The following GRM1 variants were observed in gnomAD, a reference collection of about 807,000 sequenced individuals.
GRM1 encodes glutamate metabotropic receptor 1, also known as metabotropic glutamate receptor 1.
In GRM1, 33 loss-of-function variants were observed where a neutral mutation model predicts 90.9. The ratio of observed to expected loss-of-function variants is 0.36; its 90% CI spans 0.28 to 0.49. The LOEUF is 0.49. Among genes scored for constraint, GRM1 ranks in the 20% least tolerant of loss-of-function variants. GRM1 has a pLI of 0.99. For synonymous variants in GRM1, 700 were observed against 613.2 expected (o/e 1.14, Z -2.09); for missense variants, 1,190 against 1,534.3 (o/e 0.78, Z 3.75).
At chr6:146,277,121 A>G (rs1222160905) in intron 2 of GRM1, among the ~76,000 whole-genome samples, 1 of 151,940 alleles carries the variant, frequency 6.6e-6, no homozygotes, top group Non-Finnish European at 1.5e-5. Context: ...TAAATACAAT[A>G]CAATACAATA....
chr6:146,114,614 A>C (rs1343535912), intron 1 of GRM1, among the ~76,000 whole-genome samples: 1 of 152,192 alleles, frequency 6.6e-6, no homozygotes, highest in East Asian at 1.9e-4. Flanking sequence ...TAAACATGGT[A>C]AAACTGTTTA....
At chr6:146,167,737 T>C (rs1198115281) in intron 2 of GRM1, among the ~76,000 whole-genome samples, 1 of 152,162 alleles carries the variant, frequency 6.6e-6, no homozygotes, top group Non-Finnish European at 1.5e-5. Flanking sequence ...TCAGGTTGTT[T>C]ATCTTCTCAT....
At chr6:146,051,611 T>A (rs1383747969) in intron 1 of GRM1, among the ~76,000 whole-genome samples, 1 of 152,122 alleles carries the variant, frequency 6.6e-6, no homozygotes, top group East Asian at 1.9e-4. Context: ...CTATGATCAG[T>A]TATGACTTCA....
chr6:146,347,868 A>G (rs887118791), intron 3 of GRM1, among the ~76,000 whole-genome samples: 5 of 152,224 alleles, frequency 3.3e-5, no homozygotes, highest in Non-Finnish European at 5.9e-5. Context: ...ATGTGCCCAC[A>G]ATGGAGAGCC....
intron 2 of GRM1, among the ~76,000 whole-genome samples, chr6:146,296,757 T>C (rs1377437597): frequency 1.3e-5 from 2 of 152,240 alleles, no homozygotes; most frequent in Non-Finnish European, 2.9e-5. Flanking sequence ...ATCACTCTTG[T>C]GCATGGTGAC....
At chr6:146,285,447 T>C (rs1168729795) in intron 2 of GRM1, among the ~76,000 whole-genome samples, 1 of 152,178 alleles carries the variant, frequency 6.6e-6, no homozygotes, top group Non-Finnish European at 1.5e-5. Flanking sequence ...ATTTGCTAGC[T>C]TCCAACTAAT....
At chr6:146,090,542 C>T (rs1489188778) in intron 1 of GRM1, among the ~76,000 whole-genome samples, 1 of 152,080 alleles carries the variant, frequency 6.6e-6, no homozygotes, top group Admixed American at 6.6e-5. Flanking sequence ...TAAGATTAGC[C>T]TTTATTGGAG....
At chr6:146,244,345 G>A (rs1479164069) in intron 2 of GRM1, among the ~76,000 whole-genome samples, 1 of 152,150 alleles carries the variant, frequency 6.6e-6, no homozygotes, top group Non-Finnish European at 1.5e-5. Flanking sequence ...TTAATTTGGG[G>A]AACTAATAAA....
At chr6:146,217,650 A>C (rs530548286) in intron 2 of GRM1, among the ~76,000 whole-genome samples, 1 of 152,324 alleles carries the variant, frequency 6.6e-6, no homozygotes, top group South Asian at 2.1e-4. Flanking sequence ...AGGAGCTGAA[A>C]GGCAACATTT....
intron 1 of GRM1, among the ~76,000 whole-genome samples, chr6:146,154,118 C>A (rs1042606080): frequency 4.0e-4 from 61 of 152,288 alleles, no homozygotes; most frequent in Middle Eastern, 3.4e-3. Context: ...TTTTCTTATT[C>A]TAATGCAAAG....
chr6:146,318,473 T>C (rs756561832), intron 3 of GRM1, among the ~76,000 whole-genome samples: 1 of 152,214 alleles, frequency 6.6e-6, no homozygotes. Context: ...TACGTGTGCA[T>C]GTGTATTTAT....
intron 1 of GRM1, among the ~76,000 whole-genome samples, chr6:146,047,174 T>G (rs943522624): frequency 6.6e-6 from 1 of 152,002 alleles, no homozygotes; most frequent in Non-Finnish European, 1.5e-5. Context: ...AGTTTGAATT[T>G]GTCTTCCATC....
intron 2 of GRM1, among the ~76,000 whole-genome samples, chr6:146,234,738 A>G (rs529474441): frequency 6.6e-6 from 1 of 152,038 alleles, no homozygotes; most frequent in Admixed American, 6.6e-5. Context: ...TTTTATGTTT[A>G]TCTTGATTAC....
chr6:146,046,579 T>C (rs940171746), intron 1 of GRM1, among the ~76,000 whole-genome samples: 1 of 152,062 alleles, frequency 6.6e-6, no homozygotes, highest in Non-Finnish European at 1.5e-5. Context: ...CTCATATTTA[T>C]ATCAGTAAGC....
intron 2 of GRM1, among the ~76,000 whole-genome samples, chr6:146,239,645 A>G (rs1487816659): frequency 6.6e-6 from 1 of 152,190 alleles, no homozygotes; most frequent in East Asian, 1.9e-4. Flanking sequence ...GTTCAATTTA[A>G]AAATCTACCA....
intron 1 of GRM1, among the ~76,000 whole-genome samples, chr6:146,091,737 A>G (rs1776723055): frequency 6.6e-6 from 1 of 152,114 alleles, no homozygotes; most frequent in African/African-American, 2.4e-5. Context: ...GCAGTTTGTC[A>G]TGAAGAATTG....
chr6:146,140,090 A>ATTTTTTCTTTCT (rs1776795874), intron 1 of GRM1, among the ~76,000 whole-genome samples: 1 of 57,838 alleles, frequency 1.7e-5, no homozygotes, highest in South Asian at 7.8e-4. Flanking sequence ...TTCTTTCTTT[A>ATTTTTTCTTTCT]TTCTTTCTTT....
chr6:146,220,090 A>G (rs947277483), intron 2 of GRM1, among the ~76,000 whole-genome samples: 32 of 152,098 alleles, frequency 2.1e-4, no homozygotes, highest in Non-Finnish European at 4.4e-5. Context: ...TCCATATTTG[A>G]GTGTCTTTAA....
chr6:146,406,339 A>C (rs1208423891), intron 7 of GRM1, among the ~76,000 whole-genome samples: 2 of 152,186 alleles, frequency 1.3e-5, no homozygotes, highest in African/African-American at 4.8e-5. Flanking sequence ...CAGGCTGGGA[A>C]CTTATCATCA....
Sources: allele counts gnomAD v4.1 joint callset (sites outside exome capture counted in the v4.1 genomes callset), GRCh38; gene constraint gnomAD v4.1.1; transcripts MANE v1.5; gene names NCBI Gene and HGNC (gene_info 2026-07-23, HGNC 2026-07-21).